The following PHACTR1 variants were observed in gnomAD, a reference collection of about 807,000 sequenced individuals.
PHACTR1 encodes the protein RPEL repeat containing 1.
PHACTR1 carries 16 observed loss-of-function variants against 69.2 expected under a neutral mutation model. The ratio of observed to expected loss-of-function variants is 0.23; its 90% CI spans 0.16 to 0.35. The LOEUF is 0.35. Among genes scored for constraint, PHACTR1 ranks in the 10% least tolerant of loss-of-function variants. PHACTR1 has a pLI of 1.00. For synonymous variants in PHACTR1, 312 were observed against 284.5 expected, an observed-to-expected ratio of 1.10 and a Z score of -0.97; for missense variants, 510 against 734.7, an observed-to-expected ratio of 0.69 and a Z score of 3.54.
intron 4 of PHACTR1, among the ~76,000 whole-genome samples, chr6:12,961,906 T>C (rs1792787946): frequency 6.6e-6 from 1 of 152,090 alleles, no homozygotes; most frequent in Non-Finnish European, 1.5e-5. Context: ...GTCTGTGCCT[T>C]AGTCTCCTTC....
chr6:13,160,116 C>T, intron 5 of PHACTR1, 88 bp from the exon 6 acceptor site: 2 of 1,111,964 alleles, frequency 1.8e-6, no homozygotes, highest in Non-Finnish European at 2.7e-6. Context: ...TCGTATGTTA[C>T]ATTGCCATAT....
chr6:13,251,611 G>A (rs1774414545), intron 10 of PHACTR1, among the ~76,000 whole-genome samples: 1 of 152,240 alleles, frequency 6.6e-6, no homozygotes, highest in African/African-American at 2.4e-5. Context: ...CATAAGGAAG[G>A]GAAGAGAACA....
At chr6:13,216,469 G>C (rs751824386) in intron 8 of PHACTR1, among the ~76,000 whole-genome samples, 4 of 152,216 alleles carry the variant, frequency 2.6e-5, no homozygotes, top group African/African-American at 7.2e-5. Context: ...CCTAGGTGTT[G>C]TTTGCTTGTG....
intron 8 of PHACTR1, among the ~76,000 whole-genome samples, chr6:13,212,981 C>T (rs1318127152): frequency 2.6e-5 from 4 of 152,160 alleles, no homozygotes; most frequent in Admixed American, 6.5e-5. Context: ...GCCTTTCATT[C>T]GGTTTGTTGC....
At chr6:13,086,932 A>G (rs1812414021) in intron 5 of PHACTR1, among the ~76,000 whole-genome samples, 1 of 151,970 alleles carries the variant, frequency 6.6e-6, no homozygotes, top group African/African-American at 2.4e-5. Context: ...AACACTTGGT[A>G]TTATCCATTC....
At chr6:12,768,996 A>G (rs192442366) in intron 4 of PHACTR1, among the ~76,000 whole-genome samples, 39 of 152,300 alleles carry the variant, frequency 2.6e-4, no homozygotes, top group Admixed American at 1.4e-3. Flanking sequence ...TCACTCATAT[A>G]TAGAGTCTTA....
At chr6:12,989,157 G>T (rs1487093488) in intron 4 of PHACTR1, among the ~76,000 whole-genome samples, 1 of 152,172 alleles carries the variant, frequency 6.6e-6, no homozygotes, top group Non-Finnish European at 1.5e-5. Context: ...AATACAAAAG[G>T]TGACTTTCAG....
intron 10 of PHACTR1, among the ~76,000 whole-genome samples, chr6:13,249,790 T>G (rs1442299631): frequency 3.4e-5 from 3 of 89,174 alleles, no homozygotes. Context: ...CAGAGAAAAC[T>G]CCGTCTCAAA....
intron 7 of PHACTR1, among the ~76,000 whole-genome samples, chr6:13,198,791 A>T (rs1280686774): frequency 6.6e-6 from 1 of 152,242 alleles, no homozygotes; most frequent in Non-Finnish European, 1.5e-5. Context: ...TGGAAAACTG[A>T]ACATCAAAGA....
intron 6 of PHACTR1, among the ~76,000 whole-genome samples, chr6:13,181,129 A>G (rs1470873142): frequency 7.0e-6 from 1 of 142,886 alleles, no homozygotes; most frequent in Non-Finnish European, 1.5e-5. Flanking sequence ...CTTGAATCAT[A>G]TGCTGTTTCA....
intron 5 of PHACTR1, among the ~76,000 whole-genome samples, chr6:13,057,958 A>T (rs1040280507): frequency 2.0e-5 from 3 of 152,206 alleles, no homozygotes; most frequent in African/African-American, 7.2e-5. Flanking sequence ...GCATCACAGG[A>T]TGGCAGGAGG....
chr6:13,136,789 A>T (rs1318844006), intron 5 of PHACTR1, among the ~76,000 whole-genome samples: 1 of 152,198 alleles, frequency 6.6e-6, no homozygotes, highest in Non-Finnish European at 1.5e-5. Context: ...AGGGAGAAAG[A>T]TAGGAAATGG....
chr6:12,733,851 C>G (rs911729243), intron 3 of PHACTR1, among the ~76,000 whole-genome samples: 2 of 152,146 alleles, frequency 1.3e-5, no homozygotes, highest in African/African-American at 4.8e-5. Flanking sequence ...GAAAATCAGC[C>G]ACGTGGAAGA....
At chr6:12,826,694 A>T in intron 4 of PHACTR1, among the ~76,000 whole-genome samples, 1 of 152,212 alleles carries the variant, frequency 6.6e-6, no homozygotes, top group East Asian at 1.9e-4. Context: ...GTGCATCTGA[A>T]ATATACTGTG....
intron 4 of PHACTR1, among the ~76,000 whole-genome samples, chr6:12,858,543 C>G (rs752558301): frequency 6.6e-6 from 1 of 151,938 alleles, no homozygotes; most frequent in Admixed American, 6.6e-5. Flanking sequence ...CTGTAATCCC[C>G]GCACTTTGGA....
intron 8 of PHACTR1, among the ~76,000 whole-genome samples, chr6:13,222,039 A>G (rs1465945349): frequency 6.6e-6 from 1 of 152,076 alleles, no homozygotes; most frequent in Non-Finnish European, 1.5e-5. Context: ...CATCTCAAAA[A>G]AAAAAAAAGA....
chr6:12,807,791 C>T (rs1222312666), intron 4 of PHACTR1, among the ~76,000 whole-genome samples: 1 of 152,224 alleles, frequency 6.6e-6, no homozygotes, highest in Non-Finnish European at 1.5e-5. Context: ...AGCTTCCTTA[C>T]ATCCATTCTT....
intron 7 of PHACTR1, among the ~76,000 whole-genome samples, chr6:13,190,653 C>A (rs1038396657): frequency 2.6e-5 from 4 of 151,948 alleles, no homozygotes; most frequent in African/African-American, 9.7e-5. Flanking sequence ...CAGGGGTAAA[C>A]CACATGGGAA....
intron 6 of PHACTR1, among the ~76,000 whole-genome samples, chr6:13,162,514 A>G (rs1460434568): frequency 6.6e-6 from 1 of 152,262 alleles, no homozygotes; most frequent in East Asian, 1.9e-4. Context: ...AAAATGTTTA[A>G]CTAAAGGTAT....
Sources: allele counts gnomAD v4.1 joint callset (sites outside exome capture counted in the v4.1 genomes callset), GRCh38; gene constraint gnomAD v4.1.1; transcripts MANE v1.5; gene names NCBI Gene and HGNC (gene_info 2026-07-23, HGNC 2026-07-21).